GRIK4: variants seen among roughly 807,000 people sequenced by gnomAD.
GRIK4 encodes glutamate ionotropic receptor kainate type subunit 4.
A neutral mutation model predicts 104.9 loss-of-function variants in GRIK4; 40 were observed. The ratio of observed to expected loss-of-function variants is 0.38; its 90% confidence interval spans 0.30 to 0.50. GRIK4 has a LOEUF of 0.50. Ranked by LOEUF, GRIK4 falls within the 20% of genes least tolerant of loss-of-function variation. The probability of loss-of-function intolerance (pLI) is 0.93; values close to 1 mark genes in which losing one functional copy is unlikely to be tolerated. For synonymous variants in GRIK4, 485 were observed against 524.9 expected (o/e 0.92, Z 1.04); for missense variants, 1,047 against 1,308.1 (o/e 0.80, Z 3.08).
intron 9 of GRIK4, among the ~76,000 whole-genome samples, chr11:120,863,710 T>G (rs4344499): frequency 0.3 from 45,014 of 152,180 alleles, 7,236 homozygotes; most frequent in Admixed American, 0.41. Context: ...AGAGGCAAAG[T>G]CATATCTAGA....
At chr11:120,887,870 G>A (rs1050807110) in intron 11 of GRIK4, among the ~76,000 whole-genome samples, 2 of 152,186 alleles carry the variant, frequency 1.3e-5, no homozygotes, top group African/African-American at 2.4e-5. Flanking sequence ...CAAAAGACTG[G>A]GAGGGGCCTC....
chr11:120,681,278 A>G (rs1950188813), intron 3 of GRIK4, among the ~76,000 whole-genome samples: 1 of 152,148 alleles, frequency 6.6e-6, no homozygotes, highest in African/African-American at 2.4e-5. Context: ...AGGGAAGCGC[A>G]GGAGTGGGGT....
intron 3 of GRIK4, among the ~76,000 whole-genome samples, chr11:120,707,536 G>T (rs561625082): frequency 6.6e-6 from 1 of 152,184 alleles, no homozygotes; most frequent in Non-Finnish European, 1.5e-5. Flanking sequence ...TGGACTCCCA[G>T]GGCCTAACCA....
At chr11:120,603,479 A>T (rs1565569667) in intron 1 of GRIK4, among the ~76,000 whole-genome samples, 1 of 152,358 alleles carries the variant, frequency 6.6e-6, no homozygotes, top group East Asian at 1.9e-4. Context: ...TTACCTGCAC[A>T]GTACTGCCTG....
At chr11:120,808,548 G>A in intron 4 of GRIK4, among the ~76,000 whole-genome samples, 1 of 152,170 alleles carries the variant, frequency 6.6e-6, no homozygotes, top group South Asian at 2.1e-4. Flanking sequence ...TGAGTTCTTG[G>A]ACACCAGGGG....
At chr11:120,901,664 G>C (rs1171580091) in intron 12 of GRIK4, among the ~76,000 whole-genome samples, 1 of 152,196 alleles carries the variant, frequency 6.6e-6, no homozygotes, top group Non-Finnish European at 1.5e-5. Context: ...TACAGGGTAG[G>C]GGTGTCCCTT....
chr11:120,523,916 C>T (rs71484176), intron 1 of GRIK4, among the ~76,000 whole-genome samples: 1 of 149,654 alleles, frequency 6.7e-6, no homozygotes, highest in African/African-American at 2.5e-5. Flanking sequence ...GGACTGTTTG[C>T]TTCTGCATTC....
intron 1 of GRIK4, among the ~76,000 whole-genome samples, chr11:120,542,357 G>T (rs1948046031): frequency 6.6e-6 from 1 of 152,122 alleles, no homozygotes; most frequent in Non-Finnish European, 1.5e-5. Flanking sequence ...AATCCTAAAA[G>T]AAAACATAGG....
chr11:120,651,011 C>T (rs190612073), intron 1 of GRIK4, among the ~76,000 whole-genome samples: 23 of 152,142 alleles, frequency 1.5e-4, no homozygotes, highest in South Asian at 6.2e-4. Flanking sequence ...TCCAATCTGC[C>T]GATTTTTCTC....
chr11:120,760,834 T>TA (rs1195195973), intron 3 of GRIK4, among the ~76,000 whole-genome samples: 1 of 152,124 alleles, frequency 6.6e-6, no homozygotes, highest in Non-Finnish European at 1.5e-5. Context: ...ATTTTTTTTT[T>TA]ATTCAGTCTG....
intron 11 of GRIK4, among the ~76,000 whole-genome samples, chr11:120,890,310 A>G (rs993810731): frequency 1.3e-5 from 2 of 152,166 alleles, no homozygotes; most frequent in Non-Finnish European, 2.9e-5. Flanking sequence ...TGCATGGGAG[A>G]GGAGGAAAAA....
At chr11:120,574,680 G>A (rs556716140) in intron 1 of GRIK4, among the ~76,000 whole-genome samples, 4 of 152,270 alleles carry the variant, frequency 2.6e-5, no homozygotes, top group African/African-American at 7.2e-5. Context: ...GCACTCAGCT[G>A]GTATGGAGTA....
chr11:120,709,997 C>T (rs756102929), intron 3 of GRIK4, among the ~76,000 whole-genome samples: 14 of 152,182 alleles, frequency 9.2e-5, no homozygotes, highest in African/African-American at 1.2e-4. Context: ...GAAGCAGCCA[C>T]GCACATACAA....
chr11:120,535,284 G>A (rs1190581923), intron 1 of GRIK4, among the ~76,000 whole-genome samples: 2 of 86,596 alleles, frequency 2.3e-5, no homozygotes, highest in Admixed American at 1.2e-4. Flanking sequence ...AGAGGGAAGA[G>A]GGAAGGGGGG....
intron 13 of GRIK4, among the ~76,000 whole-genome samples, chr11:120,927,109 T>TA (rs1264412797): frequency 1.3e-5 from 2 of 152,122 alleles, no homozygotes; most frequent in Non-Finnish European, 2.9e-5. Flanking sequence ...GGATGGGGGT[T>TA]AGCATGACTA....
At chr11:120,531,998 T>G (rs1171965685) in intron 1 of GRIK4, among the ~76,000 whole-genome samples, 1 of 152,142 alleles carries the variant, frequency 6.6e-6, no homozygotes, top group African/African-American at 2.4e-5. Context: ...TACTCCCAAA[T>G]GGAGACCCTC....
rs549963984 is a variant in GRIK4, at chr11:120,704,833, A to G, written c.82+44433A>G. Among the ~76,000 whole-genome samples, 8 of 152,280 alleles carry G rather than the reference A, an allele frequency of 5.3e-5. No homozygotes were observed. In the South Asian group the frequency reaches 1.7e-3, roughly 32 times the overall value. On this transcript the variant is annotated intron_variant, in intron 3 of 20. Coordinates refer to ENST00000527524, the MANE Select transcript of GRIK4 (RefSeq NM_014619.5). ...TATTAACCTCTGCCATTCTAGCTCA[A>G]ATGGAGTCACAAACAACATATAAAC...
chr11:120,545,741 G>A (rs571072485), intron 1 of GRIK4, among the ~76,000 whole-genome samples: 15 of 152,334 alleles, frequency 9.8e-5, no homozygotes, highest in African/African-American at 3.6e-4. Context: ...ACCTGCCCTG[G>A]AATCCAGAAA....
chr11:120,841,657 G>A (rs994489864), intron 8 of GRIK4, among the ~76,000 whole-genome samples: 5 of 152,148 alleles, frequency 3.3e-5, no homozygotes, highest in Admixed American at 2.6e-4. Flanking sequence ...GGGTCATGTG[G>A]TAATTATCCG....
Sources: gnomAD v4.1 joint callset for allele counts (sites outside exome capture counted in the v4.1 genomes callset) on GRCh38, gnomAD v4.1.1 for gene constraint, MANE v1.5 for transcripts, NCBI Gene and HGNC (gene_info 2026-07-23, HGNC 2026-07-21) for gene names.